Variants in DHX37 observed in about 807,000 individuals in gnomAD.
DHX37 encodes the protein DEAH-box helicase 37.
In DHX37, 52 loss-of-function variants were observed where a neutral mutation model predicts 134.3. The ratio of observed to expected loss-of-function variants is 0.39; its 90% confidence interval spans 0.31 to 0.49. DHX37 has a LOEUF of 0.49. Ranked by LOEUF, DHX37 falls within the 20% of genes least tolerant of loss-of-function variation. The pLI is 0.93. For synonymous variants in DHX37, 634 were observed against 670.7 expected (o/e 0.95, Z 0.85); for missense variants, 1,344 against 1,580.8 (o/e 0.85, Z 2.54).
At chr12:124,984,026 G>A (rs1302496606) in intron 2 of DHX37, among the ~76,000 whole-genome samples, 1 of 152,116 alleles carries the variant, frequency 6.6e-6, no homozygotes, top group Non-Finnish European at 1.5e-5. Context: ...TTGTTTTTCT[G>A]TGCATTATAG....
At chr12:124,970,943 T>C (rs1954509096) in intron 8 of DHX37, among the ~76,000 whole-genome samples, 1 of 152,240 alleles carries the variant, frequency 6.6e-6, no homozygotes, top group South Asian at 2.1e-4. Context: ...GGCCCTTGGC[T>C]GGGCAGGCCC....
chr12:124,966,997 G>A, intron 11 of DHX37, 119 bp from the exon 12 acceptor site: 1 of 1,526,530 alleles, frequency 6.6e-7, no homozygotes, highest in Non-Finnish European at 9.1e-7. Context: ...GGGGTGAGGT[G>A]GGGGATGGCA....
rs777630341 is a variant in DHX37 at position 124,954,091 on chromosome 12, C to T, written c.2574G>A (p.Leu858=). 8 of 1,608,372 alleles carry T rather than the reference C, an allele frequency of 5.0e-6. No individual in the cohort carries two copies. In the African/African-American group the frequency reaches 9.4e-5, roughly 19 times the overall value. ...ASLKLGDLMV[L]LGAVGACEYA... ...TCCAACGGGCAGGGCACAAACCCAG[C>T]AGCACCATGAGGTCGCCGAGCTTCA... The change falls in exon 19 of 27, where the codon CTG becomes CTA. Residue 858 remains leucine, a synonymous_variant. Coordinates refer to ENST00000308736, the MANE Select transcript of DHX37 (RefSeq NM_032656.4).
At chr12:124,981,636 T>C (rs991176516) in intron 3 of DHX37, among the ~76,000 whole-genome samples, 2 of 151,894 alleles carry the variant, frequency 1.3e-5, no homozygotes, top group Non-Finnish European at 2.9e-5. Flanking sequence ...GGTTTCACCA[T>C]GTTGGCCATG....
At chr12:124,975,386 C>A in intron 6 of DHX37, 33 bp downstream of exon 6, 1 of 1,607,604 alleles carries the variant, frequency 6.2e-7, no homozygotes, top group Non-Finnish European at 8.5e-7. Flanking sequence ...CAGGACCACC[C>A]CATAGTCCGC....
At position 124,956,677 on chromosome 12, in the gene DHX37, C is replaced by T. The variant is rs78755085; in HGVS notation, c.2453+14G>A. On this transcript the variant is annotated intron_variant, in intron 18 of 26. Coordinates refer to ENST00000308736, the MANE Select transcript of DHX37 (RefSeq NM_032656.4). ...CTGAGCTTGGCCCTGAGTGCCCAGC[C>T]GCCAACCTCGCACCTGTCCAGCTCC... 9,826 of 1,527,646 alleles carry T rather than the reference C, an allele frequency of 6.4e-3. 524 individuals are homozygous for T. In the African/African-American group the frequency reaches 0.12, roughly 18 times the overall value. The allele number at this position is 1,527,646 out of a possible 1,614,324, so 94.6% of individuals were successfully genotyped here.
intron 16 of DHX37, among the ~76,000 whole-genome samples, chr12:124,959,011 G>C (rs1187297755): frequency 2.8e-5 from 4 of 143,194 alleles, no homozygotes; most frequent in Non-Finnish European, 5.9e-5. Context: ...CCAGGTTCCA[G>C]TGATTCTCCT....
intron 5 of DHX37, among the ~76,000 whole-genome samples, 173 bp from the exon 6 acceptor site, chr12:124,975,684 C>T (rs1487085495): frequency 6.6e-6 from 1 of 152,176 alleles, no homozygotes; most frequent in Non-Finnish European, 1.5e-5. Context: ...GCCCAAAGGC[C>T]AACACATAGA....
chr12:124,978,663 C>T (rs538177617), intron 4 of DHX37, among the ~76,000 whole-genome samples: 117 of 149,020 alleles, frequency 7.9e-4, no homozygotes, highest in Admixed American at 2.8e-3. Flanking sequence ...TGATGGCTCA[C>T]GCCTGTAATC....
Position 124,952,558 on chromosome 12 carries a change from C to A in DHX37, c.2708G>T (p.Cys903Phe). The change falls in exon 21 of 27, where the codon TGC (cysteine) becomes TTC (phenylalanine). Residue 903 changes from cysteine (C) to phenylalanine (F), a missense_variant. Physicochemically the swap from Cys to Phe is radical, Grantham distance 205. Around this residue, in one of 7 missense-constraint regions of DHX37, gnomAD observed 558 missense variants for 650.0 expected, o/e 0.86. Transcript: ENST00000308736. The part of the protein sequence containing the change: ...GQLTTAVNAV[C>F]PEAELFVDPK... Reference sequence around the variant, plus strand: ...ATCCACGAAGAGCTCAGCCTCGGGGCACACGGCATTGACTGAGGGGAGAAC... The same window carrying A: ...ATCCACGAAGAGCTCAGCCTCGGGGAACACGGCATTGACTGAGGGGAGAAC... The A allele has an allele frequency of 6.3e-7, 1 of 1,589,484 alleles. No individual in the cohort carries two copies. Among genetic ancestry groups the A allele is most frequent in the Non-Finnish European group, 8.6e-7 (1 of 1,163,544 alleles).
At chr12:124,982,485 G>A in intron 3 of DHX37, 26 bp downstream of exon 3, 1 of 1,611,604 alleles carries the variant, frequency 6.2e-7, no homozygotes, top group Non-Finnish European at 8.5e-7. Context: ...GGGAGGGCAG[G>A]GTTAGCAAAG....
chr12:124,985,115 C>T (rs1252019687), intron 2 of DHX37, among the ~76,000 whole-genome samples: 2 of 152,158 alleles, frequency 1.3e-5, no homozygotes, highest in East Asian at 3.9e-4. Flanking sequence ...CACCGCCCTG[C>T]CAATACCTTG....
Position 124,947,434 on chromosome 12 carries a change from C to T in DHX37, c.*368G>A, listed in dbSNP as rs191419875. On this transcript the variant is annotated 3_prime_UTR_variant, in exon 27 of 27. Transcript: ENST00000308736. ...AGAATTGCAGGAAGGAGGCCCTCCA[C>T]GTGCCTCCTCGGCCTTCTGGCAGGG... 4.4e-4 allele frequency: 80 copies of T among 183,500 alleles called. No individual in the cohort carries two copies. The highest frequency in any genetic ancestry group is 1.4e-3 in the African/African-American group (61 of 42,864). 11.4% of individuals were successfully genotyped at this position (183,500 alleles called of 1,614,324 possible).
chr12:124,949,066 C>T lies in DHX37; in HGVS notation c.3291-885G>A, dbSNP rs548697121. Among the ~76,000 whole-genome samples the T allele has an allele frequency of 1.2e-3, 188 of 152,146 alleles. 2 individuals carry two copies. Among genetic ancestry groups the T allele is most frequent in the Admixed American group, 2.4e-3 (37 of 15,282 alleles). On this transcript the variant is annotated intron_variant, in intron 25 of 26. Transcript: ENST00000308736. This position sits in a 1 kb window ranked among gnomAD's most constrained non-coding sequence, Gnocchi z 4.0. ...TGAGGCTCTCCCCGACCAGCCCAGT[C>T]GCACTCCACCCCCTGCCCACCGAGG...
At chr12:124,950,326 C>T (rs1419531479) in intron 23 of DHX37, 83 bp from the exon 24 acceptor site, 30 of 1,602,654 alleles carry the variant, frequency 1.9e-5, no homozygotes, top group African/African-American at 8.0e-5. Flanking sequence ...GAGACACACA[C>T]GTCCGGGGGC....
chr12:124,950,540 G>A lies in DHX37; in HGVS notation c.2994C>T (p.Ser998=), dbSNP rs557182043. ...TTKMYMKGVS[S]VEVQWIPALL... ...GGGCCGGGATCCACTGGACCTCCAC[G>A]CTAGAGACGCCTGGGGGCCGGGGGA... Residue 998 remains serine, a synonymous_variant, in exon 23 of 27, where the codon AGC becomes AGT. Transcript: ENST00000308736. 347 of 1,553,858 alleles carry A rather than the reference G, an allele frequency of 2.2e-4. 9 individuals are homozygous for A. The South Asian group carries it at 4.0e-3, about 18-fold the overall frequency.
intron 20 of DHX37, chr12:124,953,670 G>T: frequency 1.2e-6 from 1 of 844,118 alleles, no homozygotes; most frequent in Non-Finnish European, 1.8e-6. Context: ...GAGGGTGCAG[G>T]CTGGCAGCTC....
chr12:124,983,418 TACACAC>T (rs141343765), intron 2 of DHX37, among the ~76,000 whole-genome samples: 3,673 of 148,208 alleles, frequency 0.025, 58 homozygotes, highest in Non-Finnish European at 0.033. Flanking sequence ...ATGTGTGTAT[TACACAC>T]ACACACACAC....
intron 4 of DHX37, among the ~76,000 whole-genome samples, chr12:124,978,333 T>G (rs893043606): frequency 1.3e-5 from 2 of 151,758 alleles, no homozygotes; most frequent in Non-Finnish European, 2.9e-5. Context: ...TATTTACTTT[T>G]TGAGACAGAG....
Sources: allele counts gnomAD v4.1 joint callset (sites outside exome capture counted in the v4.1 genomes callset), GRCh38; gene constraint gnomAD v4.1.1; regional missense constraint gnomAD v4.1.1; non-coding constraint Gnocchi (gnomAD v3.1); transcripts MANE v1.5; gene names NCBI Gene and HGNC (gene_info 2026-07-23, HGNC 2026-07-21).